The following CEP128 variants were observed in gnomAD, a reference collection of about 807,000 sequenced individuals.
CEP128 encodes the protein centrosomal protein 128kDa.
In CEP128, 132 loss-of-function variants were observed where a neutral mutation model predicts 156.7. The ratio of observed to expected loss-of-function variants is 0.84; its 90% CI spans 0.73 to 0.97. CEP128 has a LOEUF of 0.97. Among genes scored for constraint, CEP128 ranks in the 50% least tolerant of loss-of-function variants. CEP128 has a pLI of 0.00. For synonymous variants in CEP128, 469 were observed against 448.9 expected (o/e 1.04, Z -0.57); for missense variants, 1,252 against 1,281.9 (o/e 0.98, Z 0.36).
intron 2 of CEP128, 47 bp from the exon 3 acceptor site, chr14:80,916,609 G>A: frequency 3.5e-6 from 5 of 1,429,038 alleles, no homozygotes; most frequent in South Asian, 1.2e-5. Flanking sequence ...TAAAAAGCAT[G>A]GAAATAAAAG....
intron 18 of CEP128, among the ~76,000 whole-genome samples, chr14:80,747,979 G>T (rs1402677663): frequency 1.3e-5 from 2 of 152,154 alleles, no homozygotes; most frequent in Non-Finnish European, 1.5e-5. Context: ...ACACTAAAAA[G>T]CATTAAATGG....
intron 17 of CEP128, among the ~76,000 whole-genome samples, chr14:80,759,047 G>A (rs1899823132): frequency 6.6e-6 from 1 of 152,178 alleles, no homozygotes; most frequent in Admixed American, 6.5e-5. Context: ...TAAGTACAGT[G>A]CAGAACTAAT....
intron 23 of CEP128, among the ~76,000 whole-genome samples, chr14:80,518,980 A>G (rs1244767612): frequency 2.6e-5 from 4 of 152,338 alleles, no homozygotes; most frequent in South Asian, 4.1e-4. Flanking sequence ...ACTTCTATAA[A>G]AGTAAATTTT....
chr14:80,484,952 G>A (rs572156899), intron 14 of CEP128, among the ~76,000 whole-genome samples: 2 of 152,246 alleles, frequency 1.3e-5, no homozygotes, highest in African/African-American at 4.8e-5. Context: ...AGAGAAATCT[G>A]ACCTCAATTG....
chr14:80,689,770 C>A (rs1444650496), intron 19 of CEP128, among the ~76,000 whole-genome samples: 1 of 151,732 alleles, frequency 6.6e-6, no homozygotes, highest in Non-Finnish European at 1.5e-5. Flanking sequence ...CAGGGAAGTT[C>A]TTTTTTAATG....
chr14:80,855,449 G>A (rs1887101133), intron 9 of CEP128, among the ~76,000 whole-genome samples: 2 of 152,100 alleles, frequency 1.3e-5, no homozygotes, highest in South Asian at 4.2e-4. Flanking sequence ...ATCAATACGA[G>A]AGTGATTTTA....
Position 80,561,828 on chromosome 14 carries a change from T to C in CEP128, c.2857-2526A>G, listed in dbSNP as rs949790820. On this transcript the variant is annotated intron_variant, in intron 20 of 24. Transcript: ENST00000555265. ...TTAATTTTTTATTTTAAAGGAAATA[T>C]GTGCCTAGTTTATGTGACTATTGAC... 4.0e-5 allele frequency among the ~76,000 whole-genome samples: 6 copies of C among 151,806 alleles called. No homozygotes were observed. The East Asian group carries it at 5.8e-4, about 15-fold the overall frequency.
At chr14:80,676,444 AT>A (rs61606038) in intron 19 of CEP128, among the ~76,000 whole-genome samples, 16,230 of 150,740 alleles carry the variant, frequency 0.11, 1,360 homozygotes, top group African/African-American at 0.23. Context: ...TTAATTTGTG[AT>A]TTTTTTTAAA....
chr14:80,933,520 C>T (rs540101819), intron 2 of CEP128, among the ~76,000 whole-genome samples: 92 of 152,266 alleles, frequency 6.0e-4, no homozygotes, highest in African/African-American at 2.0e-3. Flanking sequence ...CCAGCTGTAG[C>T]ACAAAAGCAC....
intron 9 of CEP128, among the ~76,000 whole-genome samples, chr14:80,858,165 C>T (rs559866897): frequency 4.2e-4 from 63 of 150,840 alleles, no homozygotes; most frequent in Non-Finnish European, 4.3e-4. Context: ...GCTACAGTAA[C>T]CAAAACAGCA....
chr14:80,942,400 TTTTCCACTCAGGGGAGTTGG>T (rs1392185591), upstream of CEP128: 1 of 152,134 alleles, frequency 6.6e-6, no homozygotes. Flanking sequence ...AAAAGAAATG[TTTTCCACTCAGGGGAGTTGG>T]TTTCAGTCAC....
intron 9 of CEP128, among the ~76,000 whole-genome samples, chr14:80,855,663 G>C (rs1887116364): frequency 6.6e-6 from 1 of 152,066 alleles, no homozygotes; most frequent in Non-Finnish European, 1.5e-5. Context: ...GTAAGCAAAG[G>C]CGAGTCCAAG....
At chr14:80,930,181 A>G (rs1455973982) in intron 2 of CEP128, among the ~76,000 whole-genome samples, 1 of 152,218 alleles carries the variant, frequency 6.6e-6, no homozygotes, top group African/African-American at 2.4e-5. Context: ...ACAAATACAA[A>G]TTAACATTAG....
chr14:80,898,584 T>A (rs1302213465), intron 7 of CEP128, among the ~76,000 whole-genome samples: 2 of 152,196 alleles, frequency 1.3e-5, no homozygotes, highest in African/African-American at 4.8e-5. Context: ...TTCCCCTGAA[T>A]CTTCTTACAA....
intron 19 of CEP128, among the ~76,000 whole-genome samples, chr14:80,675,300 T>C (rs1365626853): frequency 6.6e-6 from 1 of 152,070 alleles, no homozygotes; most frequent in African/African-American, 2.4e-5. Context: ...ATGCAACAGA[T>C]TTTCTTGGGT....
At chr14:80,620,317 A>G (rs1250913548) in intron 19 of CEP128, among the ~76,000 whole-genome samples, 1 of 152,108 alleles carries the variant, frequency 6.6e-6, no homozygotes, top group Admixed American at 6.6e-5. Flanking sequence ...GACAATAGAG[A>G]GAAGCAATTT....
chr14:80,698,309 T>A (rs1354859262), intron 19 of CEP128, among the ~76,000 whole-genome samples: 1 of 152,048 alleles, frequency 6.6e-6, no homozygotes, highest in Admixed American at 6.6e-5. Flanking sequence ...TACCTAACTA[T>A]CTAAATATCA....
At chr14:80,812,889 T>C (rs1884643278) in intron 13 of CEP128, among the ~76,000 whole-genome samples, 1 of 152,122 alleles carries the variant, frequency 6.6e-6, no homozygotes, top group South Asian at 2.1e-4. Context: ...TTTGTTTTTT[T>C]AACTTTTCAT....
intron 6 of CEP128, among the ~76,000 whole-genome samples, chr14:80,903,719 A>G (rs932995059): frequency 2.0e-5 from 3 of 152,132 alleles, no homozygotes; most frequent in Admixed American, 2.0e-4. Context: ...AAGACATACA[A>G]TGGTCAATAG....
Sources: allele counts gnomAD v4.1 joint callset (sites outside exome capture counted in the v4.1 genomes callset), GRCh38; gene constraint gnomAD v4.1.1; transcripts MANE v1.5; gene names NCBI Gene and HGNC (gene_info 2026-07-23, HGNC 2026-07-21).